FCHO1: variants seen among roughly 807,000 people sequenced by gnomAD.
The protein encoded by FCHO1 is F-BAR domain only protein 1.
FCHO1 carries 45 observed loss-of-function variants against 114.4 expected under a neutral mutation model. The ratio of observed to expected loss-of-function variants is 0.39; its 90% confidence interval spans 0.31 to 0.50. The LOEUF is 0.50. Ranked by LOEUF, FCHO1 falls within the 20% of genes least tolerant of loss-of-function variation. The probability of loss-of-function intolerance (pLI) is 0.77; values close to 1 mark genes in which losing one functional copy is unlikely to be tolerated. For missense variants in FCHO1, 1,042 were observed against 1,209.6 expected (o/e 0.86, Z 2.06); for synonymous variants, 480 against 488.9 (o/e 0.98, Z 0.24).
rs140878302 is a variant in FCHO1 at position 17,786,728 on chromosome 19, G to A, written c.2482+99G>A. The A allele has an allele frequency of 8.4e-5, 104 of 1,241,392 alleles. 1 individual carries two copies. The East Asian group carries it at 1.8e-3, about 21-fold the overall frequency. The allele number at this position is 1,241,392 out of a possible 1,614,324, so 76.9% of individuals were successfully genotyped here. ...GAAGAATTGGGGACATACTGAGGGCGGGCAAGTATGGGCATTGAGGAAGTC... is the reference window on the plus strand; with the variant it reads ...GAAGAATTGGGGACATACTGAGGGCAGGCAAGTATGGGCATTGAGGAAGTC... On this transcript the variant is annotated intron_variant, in intron 27 of 28. Transcript: ENST00000596536.
At chr19:17,786,423 T>C in intron 26 of FCHO1, 151 bp from the exon 27 acceptor site, 2 of 701,866 alleles carry the variant, frequency 2.8e-6, no homozygotes, top group Non-Finnish European at 4.9e-6. Flanking sequence ...GGCTGTTCCA[T>C]ATCTCACCCT....
chr19:17,784,955 C>T lies in FCHO1; in HGVS notation c.2426+31C>T. 1 of 1,599,562 alleles carries T rather than the reference C, an allele frequency of 6.3e-7. No homozygotes were observed. The highest frequency in any genetic ancestry group is 8.5e-7 in the Non-Finnish European group (1 of 1,176,836). ...GGCTTGCGGGAGGCCAAGGAAAACT[C>T]AGCAGTTTCCCCCATAACCCCAGAC... On this transcript the variant is annotated intron_variant, in intron 26 of 28. Transcript: ENST00000596536. The surrounding 1 kb of genome is among the most constrained non-coding windows in gnomAD (Gnocchi z 5.3).
chr19:17,762,714 A>G (rs544322302), intron 4 of FCHO1, 48 bp from the exon 5 acceptor site: 32 of 1,396,556 alleles, frequency 2.3e-5, no homozygotes, highest in Middle Eastern at 3.6e-4. Context: ...CTAAGCAACT[A>G]TGATGTTCTC....
At chr19:17,768,173 A>G (rs908452297) in intron 7 of FCHO1, among the ~76,000 whole-genome samples, 1 of 152,116 alleles carries the variant, frequency 6.6e-6, no homozygotes, top group African/African-American at 2.4e-5. Flanking sequence ...GGTTCAAGCA[A>G]TTCTCCTGCC....
chr19:17,780,502 CCCCA>C (rs2093302092), intron 20 of FCHO1, among the ~76,000 whole-genome samples: 1 of 152,072 alleles, frequency 6.6e-6, no homozygotes, highest in Non-Finnish European at 1.5e-5. Context: ...AATTCTGCCC[CCCCA>C]GGGGACATTG....
At chr19:17,753,447 T>C (rs1480957333) in intron 1 of FCHO1, among the ~76,000 whole-genome samples, 1 of 152,200 alleles carries the variant, frequency 6.6e-6, no homozygotes, top group Non-Finnish European at 1.5e-5. Context: ...CTTTTGGACC[T>C]TGTCCCTCCA....
chr19:17,777,895 C>T (rs1296821861), intron 18 of FCHO1, among the ~76,000 whole-genome samples: 1 of 152,108 alleles, frequency 6.6e-6, no homozygotes, highest in Non-Finnish European at 1.5e-5. Flanking sequence ...AAAAATTAGC[C>T]GGGCATGGTG....
At chr19:17,760,445 C>G (rs2085667887) in intron 4 of FCHO1, among the ~76,000 whole-genome samples, 1 of 152,128 alleles carries the variant, frequency 6.6e-6, no homozygotes, top group Non-Finnish European at 1.5e-5. Flanking sequence ...TAGTTGTTGC[C>G]TCATTTTTTC....
intron 6 of FCHO1, among the ~76,000 whole-genome samples, chr19:17,765,288 C>T (rs1323526842): frequency 6.6e-6 from 1 of 151,984 alleles, no homozygotes; most frequent in Non-Finnish European, 1.5e-5. Context: ...AGGAGGCTGG[C>T]CTGGCTGCAG....
intron 20 of FCHO1, 53 bp from the exon 21 acceptor site, chr19:17,781,178 C>A: frequency 1.5e-6 from 2 of 1,350,896 alleles, no homozygotes; most frequent in South Asian, 1.3e-5. Context: ...CCTGGGGAGG[C>A]CCCAGAGGCC....
chr19:17,756,970 C>T (rs2146353592), intron 4 of FCHO1, among the ~76,000 whole-genome samples: 1 of 152,140 alleles, frequency 6.6e-6, no homozygotes, highest in Middle Eastern at 3.4e-3. Context: ...AGGCGGATCA[C>T]CTGAGGTCAG....
chr19:17,776,943 A>G lies in FCHO1; in HGVS notation c.1259+257A>G, dbSNP rs1457032695. On this transcript the variant is annotated intron_variant, in intron 18 of 28. Transcript: ENST00000596536. This position sits in a 1 kb window ranked among gnomAD's most constrained non-coding sequence, Gnocchi z 4.4. The stretch of plus-strand genomic sequence containing the variant: ...CTCCTAAGTAGCTGAGATTACAGGC[A>G]CCCACCACCACGCCCAGCTAACTTT... Among the ~76,000 whole-genome samples, 2 of 151,806 alleles carry G rather than the reference A, an allele frequency of 1.3e-5. No homozygotes were observed. The highest frequency in any genetic ancestry group is 4.8e-5 in the African/African-American group (2 of 41,314).
intron 11 of FCHO1, 86 bp downstream of exon 11, chr19:17,772,827 T>A: frequency 1.1e-6 from 1 of 948,730 alleles, no homozygotes; most frequent in East Asian, 2.6e-5. Flanking sequence ...AATTTTTTTT[T>A]TATTTTTTTA....
At chr19:17,757,270 C>T (rs527926371) in intron 4 of FCHO1, among the ~76,000 whole-genome samples, 2 of 152,092 alleles carry the variant, frequency 1.3e-5, no homozygotes, top group South Asian at 2.1e-4. Context: ...AGAGACAGAC[C>T]TGAGACAGCC....
intron 20 of FCHO1, among the ~76,000 whole-genome samples, chr19:17,780,777 T>A (rs990480346): frequency 1.3e-5 from 2 of 151,888 alleles, no homozygotes; most frequent in African/African-American, 4.8e-5. Flanking sequence ...CGTTCATAGA[T>A]GGAACAGAAC....
At chr19:17,763,699 AG>A (rs1235777941) in intron 5 of FCHO1, among the ~76,000 whole-genome samples, 2 of 151,378 alleles carry the variant, frequency 1.3e-5, no homozygotes, top group Non-Finnish European at 2.9e-5. Context: ...CTGGGACTAC[AG>A]GCATGCACCA....
chr19:17,775,360 C>A lies in FCHO1; in HGVS notation c.946-96C>A. 2 of 1,311,602 alleles carry A rather than the reference C, an allele frequency of 1.5e-6. No homozygotes were observed. The highest frequency in any genetic ancestry group is 1.2e-5 in the South Asian group (1 of 84,516). 81.2% of individuals were successfully genotyped at this position (1,311,602 alleles called of 1,614,324 possible). A position where few individuals can be genotyped will look rare whatever the true frequency, so the allele number is the denominator to read the frequency against. Reference sequence around the variant, plus strand: ...TCAGGGTTGGTTTTGAGGTCTGAGTCAAGGCCTGGGGGCAGGGCGGGGGGC... The same window carrying A: ...TCAGGGTTGGTTTTGAGGTCTGAGTAAAGGCCTGGGGGCAGGGCGGGGGGC... On this transcript the variant is annotated intron_variant, in intron 14 of 28. Coordinates refer to ENST00000596536, the MANE Select transcript of FCHO1 (RefSeq NM_015122.3). This position sits in a 1 kb window ranked among gnomAD's most constrained non-coding sequence, Gnocchi z 5.1.
chr19:17,784,201 C>T lies in FCHO1; in HGVS notation c.2192C>T (p.Ala731Val). 4 of 1,613,154 alleles carry T rather than the reference C, an allele frequency of 2.5e-6. No homozygotes were observed. The South Asian group carries it at 4.4e-5, about 18-fold the overall frequency. The change falls in exon 25 of 29, where the codon GCC (alanine) becomes GTC (valine). Residue 731 changes from alanine to valine, a missense_variant. This residue lies in a region of FCHO1 where 455 missense variants were observed against 455.4 expected (regional missense o/e 1.00). Coordinates refer to ENST00000596536, the MANE Select transcript of FCHO1 (RefSeq NM_015122.3). The surrounding 1 kb of genome is among the most constrained non-coding windows in gnomAD (Gnocchi z 5.3). ...LQRQAEQNPT[A>V]SYYNVVLLRY... is the part of the protein sequence containing the mutation. ...CGCCAGGCAGAGCAGAACCCCACTG[C>T]CTCCTACTACAACGTGGTGCTGCTG... is the stretch of plus-strand genomic sequence containing the variant.
At chr19:17,765,618 A>G (rs994285161) in intron 6 of FCHO1, among the ~76,000 whole-genome samples, 3 of 151,912 alleles carry the variant, frequency 2.0e-5, no homozygotes, top group Non-Finnish European at 4.4e-5. Flanking sequence ...GGCTGCAGTG[A>G]GCCATGATTG....
Sources: allele counts gnomAD v4.1 joint callset (sites outside exome capture counted in the v4.1 genomes callset), GRCh38; gene constraint gnomAD v4.1.1; regional missense constraint gnomAD v4.1.1; non-coding constraint Gnocchi (gnomAD v3.1); transcripts MANE v1.5; gene names NCBI Gene and HGNC (gene_info 2026-07-23, HGNC 2026-07-21).